The following USP36 variants were observed in gnomAD, a reference collection of about 807,000 sequenced individuals.
USP36 encodes ubiquitin specific peptidase 36, also known as ubiquitin carboxyl-terminal hydrolase 36.
USP36 carries 59 observed loss-of-function variants against 111.5 expected under a neutral mutation model. The ratio of observed to expected loss-of-function variants is 0.53; its 90% CI spans 0.43 to 0.66. The LOEUF (loss-of-function observed/expected upper bound fraction) is 0.66. USP36 is among the 30% of genes least tolerant of loss of function. The probability of loss-of-function intolerance (pLI) is 0.00; values close to 1 mark genes in which losing one functional copy is unlikely to be tolerated. For missense variants in USP36, 1,488 were observed against 1,468.0 expected (o/e 1.01, Z -0.22); for synonymous variants, 628 against 581.0 (o/e 1.08, Z -1.16).
intron 9 of USP36, among the ~76,000 whole-genome samples, chr17:78,819,304 G>T (rs966596440): frequency 2.6e-5 from 4 of 152,198 alleles, no homozygotes; most frequent in African/African-American, 9.7e-5. Flanking sequence ...TATTCAGCCG[G>T]CTGTAGTAGT....
chr17:78,813,152 T>C, intron 12 of USP36, 151 bp from the exon 13 acceptor site: 1 of 1,025,606 alleles, frequency 9.8e-7, no homozygotes, highest in Non-Finnish European at 1.4e-6. Context: ...TCCCTTTGCC[T>C]TTCAACCACA....
At chr17:78,832,133 G>A (rs2068190400) in intron 4 of USP36, among the ~76,000 whole-genome samples, 1 of 151,410 alleles carries the variant, frequency 6.6e-6, no homozygotes, top group African/African-American at 2.4e-5. Context: ...GACATAGAGA[G>A]ATTTGGGAAA....
Position 78,818,934 on chromosome 17 carries a change from A to C in USP36, c.912-156T>G, listed in dbSNP as rs566675677. 41 of 672,688 alleles carry C rather than the reference A, an allele frequency of 6.1e-5. No individual in the cohort carries two copies. The South Asian group carries it at 7.4e-4, about 12-fold the overall frequency. The allele number at this position is 672,688 out of a possible 1,614,324, so 41.7% of individuals were successfully genotyped here. ...CTTCTGCTCCTCTCAAAATCACATT[A>C]AGCATGCCTCAAGTAAAGGAAAGCT... is the stretch of plus-strand genomic sequence containing the variant. On this transcript the variant is annotated intron_variant, in intron 9 of 20. Coordinates refer to ENST00000449938, the MANE Select transcript of USP36 (RefSeq NM_001385174.1).
chr17:78,794,537 G>A (rs1415376211), downstream of USP36, among the ~76,000 whole-genome samples: 2 of 152,194 alleles, frequency 1.3e-5, no homozygotes, highest in East Asian at 3.8e-4. Context: ...TCCTGCCGGT[G>A]GGACTCTGCC....
rs1395035019 is a variant in USP36 at position 78,796,264 on chromosome 17, G to A, written c.*1636C>T. 6.6e-6 allele frequency: 1 copy of A among 152,156 alleles called. No homozygotes were observed. The highest frequency in any genetic ancestry group is 1.5e-5 in the Non-Finnish European group (1 of 68,040). The allele number at this position is 152,156 out of a possible 1,614,324, so 9.4% of individuals were successfully genotyped here. On this transcript the variant is annotated 3_prime_UTR_variant, in exon 21 of 21. Transcript: ENST00000449938. ...CATCACACGGTAAACATGGCAGAGG[G>A]AACAGTTCACACAGGAATGCAAGTC...
intron 13 of USP36, 43 bp downstream of exon 13, chr17:78,812,817 C>CA: frequency 6.2e-7 from 1 of 1,608,246 alleles, no homozygotes; most frequent in Non-Finnish European, 8.5e-7. Context: ...CTGTGAGGAG[C>CA]ACCAAGACCA....
At chr17:78,821,388 ATATAT>A in intron 7 of USP36, 1 of 24,014 alleles carries the variant, frequency 4.2e-5, no homozygotes, top group African/African-American at 1.7e-4. Context: ...CCTAATGAGA[ATATAT>A]ATATATATAT....
Position 78,798,693 on chromosome 17 carries a change from G to C in USP36, c.3241-142C>G. ...ACCCACTCTTCACAATGACCCCTGTGCACGGCGACCTGCAGTCCCCCTATT... is the reference window on the plus strand; with the variant it reads ...ACCCACTCTTCACAATGACCCCTGTCCACGGCGACCTGCAGTCCCCCTATT... On this transcript the variant is annotated intron_variant, in intron 19 of 20. Transcript: ENST00000449938. The surrounding 1 kb of genome is among the most constrained non-coding windows in gnomAD (Gnocchi z 5.1). 1 of 1,347,114 alleles carries C rather than the reference G, an allele frequency of 7.4e-7. No individual in the cohort carries two copies. The highest frequency in any genetic ancestry group is 1.0e-6 in the Non-Finnish European group (1 of 976,382). 83.4% of individuals were successfully genotyped at this position (1,347,114 alleles called of 1,614,324 possible).
chr17:78,798,961 C>A lies in USP36; in HGVS notation c.3187G>T (p.Ala1063Ser), dbSNP rs766329339. 2 of 1,614,210 alleles carry A rather than the reference C, an allele frequency of 1.2e-6. No individual in the cohort carries two copies. Among genetic ancestry groups the A allele is most frequent in the South Asian group, 1.1e-5 (1 of 91,090 alleles). The change falls in exon 19 of 21, where the codon GCC becomes TCC. Residue 1063 changes from alanine (A) to serine (S), a missense_variant. This residue lies in a region of USP36 where 1,073 missense variants were observed against 994.1 expected (regional missense o/e 1.08). Coordinates refer to ENST00000449938, the MANE Select transcript of USP36 (RefSeq NM_001385174.1). The surrounding 1 kb of genome is among the most constrained non-coding windows in gnomAD (Gnocchi z 5.1). ...SQDAIEDSRQ[A>S]RTETVVDDWD... The stretch of plus-strand genomic sequence containing the variant: ...TCATCAACCACGGTCTCAGTCCGGG[C>A]CTGTCTGCTGTCTTCAATAGCATCC...
In USP36 at chr17:78,828,090, C is replaced by T. The variant is rs142483821; in HGVS notation, c.587-743G>A. 5.3e-3 allele frequency among the ~76,000 whole-genome samples: 809 copies of T among 152,024 alleles called. 7 individuals carry two copies. Among genetic ancestry groups the T allele is most frequent in the African/African-American group, 0.018 (750 of 41,466 alleles). On this transcript the variant is annotated intron_variant, in intron 5 of 20. Coordinates refer to ENST00000449938, the MANE Select transcript of USP36 (RefSeq NM_001385174.1). The stretch of plus-strand genomic sequence containing the variant: ...AATACAAAAACAGTCAAGTGTGGTG[C>T]GCCTGTAATCCCAGCTACTCAGAAG...
chr17:78,838,111 C>T (rs376092519), intron 2 of USP36, among the ~76,000 whole-genome samples: 1 of 151,434 alleles, frequency 6.6e-6, no homozygotes, highest in Non-Finnish European at 1.5e-5. Flanking sequence ...CAAAAAAAAT[C>T]GTGGCTCACG....
At chr17:78,817,316 G>A (rs750051333) in intron 10 of USP36, among the ~76,000 whole-genome samples, 3 of 152,152 alleles carry the variant, frequency 2.0e-5, no homozygotes, top group Non-Finnish European at 2.9e-5. Context: ...CTGAGTCTAC[G>A]ACATTAAGAA....
At chr17:78,788,642 C>T (rs1375928502) in intron 3 of USP36, among the ~76,000 whole-genome samples, 2 of 152,068 alleles carry the variant, frequency 1.3e-5, no homozygotes, top group Admixed American at 1.3e-4. Context: ...ACAGCCCACC[C>T]GCATCTGCTA....
chr17:78,807,480 G>T lies in USP36; in HGVS notation c.1564C>A (p.Pro522Thr), dbSNP rs781016935. The T allele has an allele frequency of 6.2e-7, 1 of 1,614,064 alleles. No individual in the cohort carries two copies. The highest frequency in any genetic ancestry group is 8.5e-7 in the Non-Finnish European group (1 of 1,179,962). The change falls in exon 14 of 21, where the codon CCC (proline) becomes ACC (threonine). Residue 522 changes from proline (P) to threonine (T), a missense_variant. Pro to Thr is a conservative substitution (Grantham distance 38, BLOSUM62 -1). This residue lies in a region of USP36 where 1,073 missense variants were observed against 994.1 expected (regional missense o/e 1.08). Transcript: ENST00000449938. ...TCTAGGATGGTTGGCATGTGTGTGG[G>T]TGTCTGGGAGAGTTTGGGGGAAGGG... ...GSPSPKLSQT[P>T]THMPTILDDP...
intron 10 of USP36, among the ~76,000 whole-genome samples, chr17:78,816,451 C>T (rs79941976): frequency 6.6e-6 from 1 of 152,020 alleles, no homozygotes; most frequent in Admixed American, 6.5e-5. Flanking sequence ...CATGGTGGAA[C>T]CCCGTCTCTA....
At position 78,803,136 on chromosome 17, in the gene USP36, C is replaced by T. The variant is rs1237465819; in HGVS notation, c.2810+249G>A. Among the ~76,000 whole-genome samples, 1 of 151,906 alleles carries T rather than the reference C, an allele frequency of 6.6e-6. No individual in the cohort carries two copies. The highest frequency in any genetic ancestry group is 1.5e-5 in the Non-Finnish European group (1 of 67,970). On this transcript the variant is annotated intron_variant, in intron 16 of 20. Coordinates refer to ENST00000449938, the MANE Select transcript of USP36 (RefSeq NM_001385174.1). The surrounding 1 kb of genome is among the most constrained non-coding windows in gnomAD (Gnocchi z 4.6). Reference sequence around the variant, plus strand: ...GTTTTTGGTAGAGAAAGGGCTTTTCCATATTGCCTAGGCTGGTCTCAAACT... The same window carrying T: ...GTTTTTGGTAGAGAAAGGGCTTTTCTATATTGCCTAGGCTGGTCTCAAACT...
chr17:78,836,249 T>G lies in USP36; in HGVS notation c.115A>C (p.Lys39Gln), dbSNP rs757370811. Residue 39 changes from lysine to glutamine, a missense_variant, in exon 3 of 21, where the codon AAA becomes CAA. Lys to Gln is a moderately conservative substitution (Grantham distance 53). Coordinates refer to ENST00000449938, the MANE Select transcript of USP36 (RefSeq NM_001385174.1). ...TTGCTGGCTGGCTCGAACTCGATTT[T>G]CTGTAAAAGGACCTTCTTGGCAGAG... The part of the protein sequence containing the change: ...ASSAKKVLLQ[K>Q]IEFEPASKSF... The G allele has an allele frequency of 2.5e-6, 4 of 1,614,100 alleles. No homozygotes were observed. Among genetic ancestry groups the G allele is most frequent in the Non-Finnish European group, 2.5e-6 (3 of 1,180,004 alleles).
Position 78,799,877 on chromosome 17 carries a change from C to CTTTTTT in USP36, c.3023-115_3023-110dup, listed in dbSNP as rs549964435. 8.8e-4 allele frequency: 137 copies of CTTTTTT among 155,572 alleles called. 8 individuals are homozygous for CTTTTTT. The highest frequency in any genetic ancestry group is 1.4e-3 in the African/African-American group (37 of 25,830). 9.6% of individuals were successfully genotyped at this position (155,572 alleles called of 1,614,324 possible). A position where few individuals can be genotyped will look rare whatever the true frequency, so the allele number is the denominator to read the frequency against. ...CAACTTACAGTAAGTGGATGCTTGCCTTTTTTTTTTTTTTTTTTTTTTTTT... is the reference window on the plus strand; with the variant it reads ...CAACTTACAGTAAGTGGATGCTTGCCTTTTTTTTTTTTTTTTTTTTTTTTTTTTTTT... On this transcript the variant is annotated intron_variant, in intron 17 of 20. Coordinates refer to ENST00000449938, the MANE Select transcript of USP36 (RefSeq NM_001385174.1).
intron 6 of USP36, among the ~76,000 whole-genome samples, chr17:78,822,692 A>G (rs986327531): frequency 2.0e-5 from 3 of 152,158 alleles, no homozygotes; most frequent in Admixed American, 2.0e-4. Flanking sequence ...CTACGTATCC[A>G]TATGGTAGCT....
Sources: allele counts gnomAD v4.1 joint callset (sites outside exome capture counted in the v4.1 genomes callset), GRCh38; gene constraint gnomAD v4.1.1; regional missense constraint gnomAD v4.1.1; non-coding constraint Gnocchi (gnomAD v3.1); transcripts MANE v1.5; gene names NCBI Gene and HGNC (gene_info 2026-07-23, HGNC 2026-07-21).